Variants in YAP1 observed in about 807,000 individuals in gnomAD.
YAP1 encodes transcriptional coactivator YAP1.
Under a neutral mutation model 56.9 loss-of-function variants are expected in YAP1, and 5 were observed. The observed-to-expected ratio is 0.09, with a 90% confidence interval of 0.05 to 0.18. The LOEUF (loss-of-function observed/expected upper bound fraction) is 0.18. Ranked by LOEUF, YAP1 falls within the 10% of genes least tolerant of loss-of-function variation. YAP1 has a pLI of 1.00. For synonymous variants in YAP1, 265 were observed against 248.1 expected, an observed-to-expected ratio of 1.07 and a Z score of -0.64; for missense variants, 539 against 651.8, an observed-to-expected ratio of 0.83 and a Z score of 1.88.
At chr11:102,167,680 G>A (rs999271044) in intron 3 of YAP1, among the ~76,000 whole-genome samples, 12 of 152,196 alleles carry the variant, frequency 7.9e-5, no homozygotes, top group Non-Finnish European at 1.8e-4. Context: ...GTTGCAATGA[G>A]CTGAGATTGT....
intron 3 of YAP1, among the ~76,000 whole-genome samples, chr11:102,164,878 A>G (rs533606837): frequency 1.3e-5 from 2 of 152,258 alleles, no homozygotes; most frequent in African/African-American, 4.8e-5. Flanking sequence ...ATGCGCCACC[A>G]CGCATGGCTA....
At chr11:102,224,501 TCTAA>T (rs1239296365) in intron 7 of YAP1, among the ~76,000 whole-genome samples, 6 of 152,252 alleles carry the variant, frequency 3.9e-5, no homozygotes, top group African/African-American at 1.4e-4. Flanking sequence ...GGATTCCTTT[TCTAA>T]CTGATTTAAA....
chr11:102,165,644 G>T (rs4561174), intron 3 of YAP1, among the ~76,000 whole-genome samples: 56,123 of 151,774 alleles, frequency 0.37, 11,311 homozygotes, highest in East Asian at 0.58. Flanking sequence ...CGTGCTAGAA[G>T]GTATTTAACA....
Position 102,229,855 on chromosome 11 carries a change from C to CT in YAP1, c.1433dup (p.Leu478PhefsTer4). The CT allele has an allele frequency of 6.2e-7, 1 of 1,614,128 alleles. No individual in the cohort carries two copies. The highest frequency in any genetic ancestry group is 8.5e-7 in the Non-Finnish European group (1 of 1,179,990). ...GAGCTGATGCCAAGTCTGCAGGAAG[C>CT]TTTGAGTTCTGACATCCTTAATGAC... On this transcript the variant is annotated frameshift_variant, in exon 9 of 9. Transcript: ENST00000282441. LOFTEE classifies it high-confidence loss of function.
intron 3 of YAP1, among the ~76,000 whole-genome samples, chr11:102,175,669 T>C (rs4754838): frequency 1 from 152,251 of 152,336 alleles, 76,083 homozygotes; most frequent in Non-Finnish European, 1. Context: ...CTTATCGCTC[T>C]TAGGCTACAA....
At chr11:102,140,460 C>A (rs1193874861) in intron 2 of YAP1, among the ~76,000 whole-genome samples, 1 of 151,972 alleles carries the variant, frequency 6.6e-6, no homozygotes, top group Non-Finnish European at 1.5e-5. Context: ...ACCCCCCATG[C>A]CAACAAAACT....
intron 4 of YAP1, among the ~76,000 whole-genome samples, chr11:102,190,933 C>T (rs951697283): frequency 6.6e-5 from 10 of 151,898 alleles, no homozygotes; most frequent in Admixed American, 3.9e-4. Context: ...GAAACTCCAT[C>T]TCAAAAGCCG....
At chr11:102,176,457 G>A (rs1361027409) in intron 3 of YAP1, among the ~76,000 whole-genome samples, 1 of 152,026 alleles carries the variant, frequency 6.6e-6, no homozygotes, top group Non-Finnish European at 1.5e-5. Context: ...TAAGAATAGA[G>A]TAGAATTGGG....
intron 2 of YAP1, among the ~76,000 whole-genome samples, chr11:102,145,416 G>A (rs1051630998): frequency 1.2e-4 from 19 of 152,208 alleles, no homozygotes; most frequent in Admixed American, 1.2e-3. Flanking sequence ...CCACTGATAT[G>A]TATGACCTGC....
At chr11:102,170,075 G>A (rs1946821062) in intron 3 of YAP1, among the ~76,000 whole-genome samples, 2 of 152,252 alleles carry the variant, frequency 1.3e-5, no homozygotes, top group Non-Finnish European at 2.9e-5. Context: ...GCTGATAAAG[G>A]CACTTTCTAA....
chr11:102,147,936 G>T (rs537475895), intron 2 of YAP1, among the ~76,000 whole-genome samples: 5 of 152,296 alleles, frequency 3.3e-5, no homozygotes, highest in Admixed American at 6.5e-5. Flanking sequence ...TGTGAAAGGA[G>T]AAGAAAATGT....
chr11:102,162,664 C>A (rs1305466360), intron 3 of YAP1, 93 bp downstream of exon 3: 8 of 1,211,668 alleles, frequency 6.6e-6, no homozygotes, highest in Non-Finnish European at 9.7e-6. Context: ...TTTACAGAAA[C>A]TGGGACATGG....
chr11:102,210,977 G>A (rs1328273433), intron 6 of YAP1, among the ~76,000 whole-genome samples: 2 of 151,946 alleles, frequency 1.3e-5, no homozygotes, highest in Non-Finnish European at 2.9e-5. Context: ...GGATGGTCTC[G>A]ATCTCCTGAC....
At chr11:102,178,379 G>A (rs1249668423) in intron 3 of YAP1, among the ~76,000 whole-genome samples, 2 of 152,214 alleles carry the variant, frequency 1.3e-5, no homozygotes, top group East Asian at 3.9e-4. Flanking sequence ...CCAAATTGTG[G>A]GGCAGGTGAC....
rs3824930 is a variant in YAP1, at chr11:102,114,571, C to T, written c.572+177C>T. On this transcript the variant is annotated intron_variant, in intron 2 of 8. Transcript: ENST00000282441. ...TTTCAGTTTGGTATGACCTAAATAC[C>T]TTTGTTAGTATGGGTAATATTTTGA... Among the ~76,000 whole-genome samples the T allele has an allele frequency of 0.42, 64,372 of 151,912 alleles. 15,326 individuals carry two copies. The highest frequency in any genetic ancestry group is 0.57 in the Middle Eastern group (167 of 294).
intron 3 of YAP1, among the ~76,000 whole-genome samples, chr11:102,181,550 G>A (rs1005202350): frequency 2.0e-5 from 3 of 152,036 alleles, no homozygotes; most frequent in South Asian, 2.1e-4. Context: ...TGGTCATTAA[G>A]GACAAATGTG....
intron 7 of YAP1, 100 bp downstream of exon 7, chr11:102,223,852 G>A (rs1950068709): frequency 2.1e-6 from 3 of 1,438,172 alleles, no homozygotes. Context: ...ATCTGTGTGG[G>A]CCAAAAACCA....
Position 102,167,024 on chromosome 11 carries a change from A to G in YAP1, c.688+4453A>G, listed in dbSNP as rs565497740. ...CTAATTGGCTTTAGCAAAAATGATC[A>G]GTATAATTATGCTTTTATAAGTCCT... On this transcript the variant is annotated intron_variant, in intron 3 of 8. Coordinates refer to ENST00000282441, the MANE Select transcript of YAP1 (RefSeq NM_001130145.3). Among the ~76,000 whole-genome samples the G allele has an allele frequency of 5.8e-4, 89 of 152,336 alleles. 3 individuals carry two copies. The South Asian group carries it at 0.017, about 30-fold the overall frequency.
chr11:102,191,000 C>A (rs1226375620), intron 4 of YAP1, among the ~76,000 whole-genome samples: 1 of 151,762 alleles, frequency 6.6e-6, no homozygotes, highest in Non-Finnish European at 1.5e-5. Flanking sequence ...ATGGTGACAC[C>A]CCATCTCTGC....
Sources: gnomAD v4.1 joint callset for allele counts (sites outside exome capture counted in the v4.1 genomes callset) on GRCh38, gnomAD v4.1.1 for gene constraint, MANE v1.5 for transcripts, NCBI Gene and HGNC (gene_info 2026-07-23, HGNC 2026-07-21) for gene names.